CUEDC1: variants seen among roughly 807,000 people sequenced by gnomAD.
CUEDC1 encodes CUE domain containing 1.
CUEDC1 carries 30 observed loss-of-function variants against 43.7 expected under a neutral mutation model. The observed-to-expected ratio is 0.69, with a 90% CI of 0.51 to 0.93. The LOEUF is 0.93. Ranked by LOEUF, CUEDC1 falls within the 40% of genes least tolerant of loss-of-function variation. CUEDC1 has a pLI of 0.00. For missense variants in CUEDC1, 486 were observed against 549.0 expected, an observed-to-expected ratio of 0.89 and a Z score of 1.15; for synonymous variants, 223 against 223.6, an observed-to-expected ratio of 1.00 and a Z score of 0.02.
At chr17:57,881,166 G>A (rs993084277) in intron 2 of CUEDC1, among the ~76,000 whole-genome samples, 1 of 152,040 alleles carries the variant, frequency 6.6e-6, no homozygotes, top group Non-Finnish European at 1.5e-5. Flanking sequence ...GCCTGTGCAT[G>A]TGAGCACACA....
intron 1 of CUEDC1, among the ~76,000 whole-genome samples, chr17:57,894,639 C>T (rs1325998397): frequency 1.3e-5 from 2 of 152,108 alleles, no homozygotes; most frequent in African/African-American, 2.4e-5. Context: ...CACTGTACTC[C>T]AGCCTGAGCA....
At chr17:57,926,225 C>T (rs755638831) in intron 1 of CUEDC1, among the ~76,000 whole-genome samples, 10 of 152,296 alleles carry the variant, frequency 6.6e-5, no homozygotes, top group Non-Finnish European at 1.3e-4. Flanking sequence ...CCACTCATAG[C>T]AAGGAGCTCA....
chr17:57,866,119 A>C (rs190745766), intron 10 of CUEDC1, among the ~76,000 whole-genome samples: 6 of 152,242 alleles, frequency 3.9e-5, no homozygotes, highest in Admixed American at 2.6e-4. Flanking sequence ...CACCGTGCCC[A>C]GCCAGTTTTT....
chr17:57,896,487 G>GGGGGGTGT (rs375270781), intron 1 of CUEDC1, among the ~76,000 whole-genome samples: 1,589 of 130,364 alleles, frequency 0.012, 38 homozygotes, highest in South Asian at 0.028. Context: ...TGCATTATGG[G>GGGGGGTGT]GTGTGTGTGT....
intron 1 of CUEDC1, among the ~76,000 whole-genome samples, chr17:57,947,347 T>C (rs750993495): frequency 3.5e-4 from 54 of 152,198 alleles, no homozygotes; most frequent in Non-Finnish European, 3.4e-4. Context: ...TTTAAACTCA[T>C]TGTCCAGCAT....
chr17:57,936,121 C>T (rs917508594), intron 1 of CUEDC1, among the ~76,000 whole-genome samples: 12 of 152,242 alleles, frequency 7.9e-5, no homozygotes, highest in Non-Finnish European at 5.9e-5. Flanking sequence ...AGGGTCTCTC[C>T]TCTCAGCCTC....
intron 1 of CUEDC1, among the ~76,000 whole-genome samples, chr17:57,899,890 C>G (rs1415310547): frequency 6.6e-6 from 1 of 152,146 alleles, no homozygotes; most frequent in African/African-American, 2.4e-5. Flanking sequence ...ACCCTCCAAG[C>G]CACCCCCTTC....
At chr17:57,909,577 AT>A (rs2074562966) in intron 1 of CUEDC1, among the ~76,000 whole-genome samples, 2 of 152,180 alleles carry the variant, frequency 1.3e-5, no homozygotes, top group East Asian at 3.8e-4. Flanking sequence ...CTCATCCAAG[AT>A]CAAAGCGTTG....
rs1232798536 is a variant in CUEDC1, at chr17:57,879,631, A to G, written c.444T>C (p.Ala148=). ...CTCACCGGGGAGGCGGAGTCGGGGG[A>G]GCCAGAGGGTAGGGCCGGTCGAACA... ...MHVFDRPYPL[A]PPTPPPRIDA... Residue 148 remains alanine, a synonymous_variant, in exon 3 of 11, where the codon GCT becomes GCC. Coordinates refer to ENST00000577830, the MANE Select transcript of CUEDC1 (RefSeq NM_001271875.2). The G allele has an allele frequency of 6.3e-7, 1 of 1,594,608 alleles. No homozygotes were observed. The highest frequency in any genetic ancestry group is 8.5e-7 in the Non-Finnish European group (1 of 1,173,486).
In CUEDC1 at chr17:57,889,911, G is replaced by A. The variant is rs565740269; in HGVS notation, c.-315-4032C>T. On this transcript the variant is annotated intron_variant, in intron 1 of 10. Coordinates refer to ENST00000577830, the MANE Select transcript of CUEDC1 (RefSeq NM_001271875.2). ...GGCCATGGCTGTGGTGTGCCTGGGAGCAGGGTCAGAGCCGTCCATGCCAGG... is the reference window on the plus strand; with the variant it reads ...GGCCATGGCTGTGGTGTGCCTGGGAACAGGGTCAGAGCCGTCCATGCCAGG... 2.6e-5 allele frequency among the ~76,000 whole-genome samples: 4 copies of A among 152,342 alleles called. No homozygotes were observed. The East Asian group carries it at 7.7e-4, about 29-fold the overall frequency.
rs1004223528 is a variant in CUEDC1, at chr17:57,869,030, T to C, written c.940+92A>G. 39 of 1,306,528 alleles carry C rather than the reference T, an allele frequency of 3.0e-5. No homozygotes were observed. In the Middle Eastern group the frequency reaches 7.4e-4, roughly 25 times the overall value. The allele number at this position is 1,306,528 out of a possible 1,614,324, so 80.9% of individuals were successfully genotyped here. A position where few individuals can be genotyped will look rare whatever the true frequency, so the allele number is the denominator to read the frequency against. On this transcript the variant is annotated intron_variant, in intron 7 of 10. Transcript: ENST00000577830. ...CTGGTTCACCAAGAGTCAGCTGCATTACATGTGCTGAGGGGCTCCCTCACT... is the reference window on the plus strand; with the variant it reads ...CTGGTTCACCAAGAGTCAGCTGCATCACATGTGCTGAGGGGCTCCCTCACT...
intron 10 of CUEDC1, among the ~76,000 whole-genome samples, chr17:57,863,578 G>A (rs977805064): frequency 6.6e-6 from 1 of 152,092 alleles, no homozygotes; most frequent in Non-Finnish European, 1.5e-5. Flanking sequence ...AACGTGGGAG[G>A]GTACCTGGCC....
intron 10 of CUEDC1, among the ~76,000 whole-genome samples, chr17:57,864,816 G>A (rs1449919743): frequency 2.0e-5 from 3 of 152,164 alleles, no homozygotes; most frequent in Non-Finnish European, 2.9e-5. Context: ...CACTTTGGGA[G>A]GTCCAGGCGG....
chr17:57,887,962 G>A lies in CUEDC1; in HGVS notation c.-315-2083C>T, dbSNP rs866602140. Among the ~76,000 whole-genome samples the A allele has an allele frequency of 3.4e-4, 49 of 142,670 alleles. No homozygotes were observed. The Middle Eastern group carries it at 0.015, about 44-fold the overall frequency. The allele number at this position is 142,670 out of a possible 152,430, so 93.6% of individuals were successfully genotyped here. A position where few individuals can be genotyped will look rare whatever the true frequency, so the allele number is the denominator to read the frequency against. ...GTAGCCCAGGCCGGAGTGCAGTGGCGTGATCTTGGCTCACCGCAACCTCCA... is the reference window on the plus strand; with the variant it reads ...GTAGCCCAGGCCGGAGTGCAGTGGCATGATCTTGGCTCACCGCAACCTCCA... On this transcript the variant is annotated intron_variant, in intron 1 of 10. Coordinates refer to ENST00000577830, the MANE Select transcript of CUEDC1 (RefSeq NM_001271875.2).
Position 57,889,987 on chromosome 17 carries a change from GA to G in CUEDC1, c.-315-4109del, listed in dbSNP as rs143480038. Among the ~76,000 whole-genome samples, 624 of 152,320 alleles carry G rather than the reference GA, an allele frequency of 4.1e-3. 29 individuals are homozygous for G. In the East Asian group the frequency reaches 0.096, roughly 23 times the overall value. ...AAATGAAAAGCAGTTTAAAATACACGAAAGGATTAAAGCAAGTAGGCGACAG... is the reference window on the plus strand; with the variant it reads ...AAATGAAAAGCAGTTTAAAATACACGAAGGATTAAAGCAAGTAGGCGACAG... On this transcript the variant is annotated intron_variant, in intron 1 of 10. Coordinates refer to ENST00000577830, the MANE Select transcript of CUEDC1 (RefSeq NM_001271875.2).
intron 1 of CUEDC1, among the ~76,000 whole-genome samples, chr17:57,916,611 C>T (rs142489310): frequency 1.3e-3 from 198 of 152,240 alleles, no homozygotes; most frequent in African/African-American, 4.6e-3. Flanking sequence ...AGGAAGACAG[C>T]GGAAGGATGA....
rs376893717 is a variant in CUEDC1 at position 57,885,455 on chromosome 17, C to G, written c.110G>C (p.Arg37Pro). 374 of 1,595,308 alleles carry G rather than the reference C, an allele frequency of 2.3e-4. 1 individual carries two copies. In the South Asian group the frequency reaches 4.0e-3, roughly 17 times the overall value. The change falls in exon 2 of 11, where the codon CGG becomes CCG. Residue 37 changes from arginine to proline, a missense_variant. Arg to Pro is a moderately radical substitution (Grantham distance 103, BLOSUM62 -2). Transcript: ENST00000577830. The stretch of plus-strand genomic sequence containing the variant: ...CAGGCGGCGCACCTGGCGGGCAGGC[C>G]GGCTGTTGTTGAGCTCCTGGGGGGC... ...TAAPQELNNSRPARQVRRLEF... is the reference protein window; with the variant it reads ...TAAPQELNNSPPARQVRRLEF...
At chr17:57,894,948 T>C (rs16942504) in intron 1 of CUEDC1, among the ~76,000 whole-genome samples, 21,913 of 152,184 alleles carry the variant, frequency 0.14, 1,735 homozygotes, top group Non-Finnish European at 0.17. Context: ...TTCTGCCTTC[T>C]AGTGAAAAAG....
chr17:57,886,911 C>T (rs2074297771), intron 1 of CUEDC1, among the ~76,000 whole-genome samples: 3 of 151,698 alleles, frequency 2.0e-5, no homozygotes, highest in African/African-American at 4.8e-5. Context: ...CTCCGCTTCC[C>T]GGGTTCACAC....
Sources: gnomAD v4.1 joint callset for allele counts (sites outside exome capture counted in the v4.1 genomes callset) on GRCh38, gnomAD v4.1.1 for gene constraint, MANE v1.5 for transcripts, NCBI Gene and HGNC (gene_info 2026-07-23, HGNC 2026-07-21) for gene names.